PTPRS: variants seen among roughly 807,000 people sequenced by gnomAD.
PTPRS encodes protein tyrosine phosphatase receptor type S.
Under a neutral mutation model 215.3 loss-of-function variants are expected in PTPRS, and 63 were observed. The observed-to-expected ratio is 0.29, with a 90% CI of 0.24 to 0.36. PTPRS has a LOEUF of 0.36. Ranked by LOEUF, PTPRS falls within the 10% of genes least tolerant of loss-of-function variation. PTPRS has a pLI of 1.00. For synonymous variants in PTPRS, 1,404 were observed against 1,191.4 expected (o/e 1.18, Z -3.68); for missense variants, 2,258 against 2,825.8 (o/e 0.80, Z 4.56).
Position 5,286,442 on chromosome 19 carries a change from T to C in PTPRS, c.-94-208A>G, listed in dbSNP as rs112169965. On this transcript the variant is annotated intron_variant, in intron 1 of 37. Coordinates refer to ENST00000262963, the MANE Select transcript of PTPRS (RefSeq NM_002850.4). ...AAGGTGTCTCCCCCACAAAAAATCA[T>C]ATGTTGAAACCTAGTCCCCACTATG... 4.1e-4 allele frequency: 168 copies of C among 411,496 alleles called. 2 individuals are homozygous for C. The highest frequency in any genetic ancestry group is 3.1e-3 in the African/African-American group (154 of 49,864). The allele number at this position is 411,496 out of a possible 1,614,324, so 25.5% of individuals were successfully genotyped here.
rs35929019 is a variant in PTPRS at position 5,206,082 on chromosome 19, A to AAGC, written c.*691_*692insGCT. Among the ~76,000 whole-genome samples the AAGC allele has an allele frequency of 0.057, 8,186 of 143,712 alleles. 270 individuals are homozygous for AAGC. Among genetic ancestry groups the AAGC allele is most frequent in the African/African-American group, 0.085 (3,216 of 37,636 alleles). 94.3% of individuals were successfully genotyped at this position (143,712 alleles called of 152,430 possible). A position where few individuals can be genotyped will look rare whatever the true frequency, so the allele number is the denominator to read the frequency against. ...AATTAAAAAAAAAAAAAAAAAAAAA[A>AAGC]AAGCCAAGGTACAGCCATGGGCCTG... On this transcript the variant is annotated 3_prime_UTR_variant, in exon 38 of 38. Coordinates refer to ENST00000262963, the MANE Select transcript of PTPRS (RefSeq NM_002850.4).
At chr19:5,228,347 G>GAAAGAAAAAAAAAAAAAAAAAAAAA (rs2042696638) in intron 16 of PTPRS, among the ~76,000 whole-genome samples, 1 of 105,866 alleles carries the variant, frequency 9.4e-6, no homozygotes, top group African/African-American at 4.3e-5. Context: ...TCCGTCTGGA[G>GAAAGAAAAAAAAAAAAAAAAAAAAA]AAAAAAAAAA....
intron 9 of PTPRS, among the ~76,000 whole-genome samples, chr19:5,248,583 G>A (rs938187026): frequency 9.9e-5 from 15 of 152,146 alleles, no homozygotes; most frequent in South Asian, 4.1e-4. Context: ...AAAATCCTTC[G>A]GAACAAACCA....
At chr19:5,305,760 TATA>T (rs1321530750) in intron 1 of PTPRS, among the ~76,000 whole-genome samples, 15 of 112,196 alleles carry the variant, frequency 1.3e-4, no homozygotes, top group African/African-American at 5.9e-4. Flanking sequence ...TATATATATA[TATA>T]TATTTTTTTT....
intron 1 of PTPRS, among the ~76,000 whole-genome samples, chr19:5,307,471 G>A (rs1245656939): frequency 6.6e-6 from 1 of 152,130 alleles, no homozygotes; most frequent in Non-Finnish European, 1.5e-5. Context: ...GAGAATACCA[G>A]ATGTACAATT....
chr19:5,226,116 C>G (rs1190024303), intron 16 of PTPRS, among the ~76,000 whole-genome samples: 1 of 152,238 alleles, frequency 6.6e-6, no homozygotes, highest in African/African-American at 2.4e-5. Context: ...TCACCCCCGA[C>G]AGTCTGTCCT....
At chr19:5,243,362 C>G (rs1415108886) in intron 11 of PTPRS, among the ~76,000 whole-genome samples, 1 of 152,010 alleles carries the variant, frequency 6.6e-6, no homozygotes, top group Non-Finnish European at 1.5e-5. Context: ...TCTCAAACTC[C>G]TGACCTCAGG....
At chr19:5,298,651 G>A (rs1313297561) in intron 1 of PTPRS, among the ~76,000 whole-genome samples, 1 of 152,222 alleles carries the variant, frequency 6.6e-6, no homozygotes, top group Non-Finnish European at 1.5e-5. Flanking sequence ...TCACATCACA[G>A]CCCTGGCGCC....
At chr19:5,247,716 TGAG>T (rs2044627850) in intron 9 of PTPRS, among the ~76,000 whole-genome samples, 1 of 151,800 alleles carries the variant, frequency 6.6e-6, no homozygotes, top group Admixed American at 6.6e-5. Context: ...TCTACGATGC[TGAG>T]GAGGAGGTTC....
At chr19:5,318,455 C>A (rs1460702954) in intron 1 of PTPRS, among the ~76,000 whole-genome samples, 1 of 152,134 alleles carries the variant, frequency 6.6e-6, no homozygotes, top group African/African-American at 2.4e-5. Flanking sequence ...GCAAGGCAGT[C>A]TGGCCATGCT....
intron 12 of PTPRS, among the ~76,000 whole-genome samples, chr19:5,239,676 GAGAGACAGAAATAGAGAT>G (rs898587522): frequency 2.0e-5 from 3 of 151,226 alleles, no homozygotes; most frequent in East Asian, 3.9e-4. Context: ...AGAGAGGAGA[GAGAGACAGAAATAGAGAT>G]AGAGACAGAA....
chr19:5,337,660 C>A (rs373955218), intron 1 of PTPRS, among the ~76,000 whole-genome samples: 4 of 152,328 alleles, frequency 2.6e-5, no homozygotes, highest in Admixed American at 2.0e-4. Flanking sequence ...CCAGGCAGAG[C>A]CCCAGGCTCT....
chr19:5,291,328 G>T lies in PTPRS; in HGVS notation c.-94-5094C>A, dbSNP rs903913750. ...ATTAGGAAACCGAGGCTCACCAAGG[G>T]TCCTGCATGGAGGAGGGGGCTGGGC... On this transcript the variant is annotated intron_variant, in intron 1 of 37. Coordinates refer to ENST00000262963, the MANE Select transcript of PTPRS (RefSeq NM_002850.4). Among the ~76,000 whole-genome samples the T allele has an allele frequency of 2.0e-5, 3 of 152,194 alleles. No individual in the cohort carries two copies. In the East Asian group the frequency reaches 5.8e-4, roughly 30 times the overall value.
chr19:5,273,255 G>A (rs1186794360), intron 4 of PTPRS, 187 bp downstream of exon 4: 1 of 695,064 alleles, frequency 1.4e-6, no homozygotes, highest in South Asian at 1.8e-5. Context: ...TTCTTGCAAA[G>A]GCACAATAAA....
At chr19:5,231,787 G>A (rs1295179837) in intron 13 of PTPRS, among the ~76,000 whole-genome samples, 172 bp from the exon 14 acceptor site, 1 of 152,000 alleles carries the variant, frequency 6.6e-6, no homozygotes, top group Non-Finnish European at 1.5e-5. Context: ...GTCAACCAAA[G>A]GTGGGATGGG....
intron 9 of PTPRS, among the ~76,000 whole-genome samples, chr19:5,253,444 CCAGGT>C (rs2045310870): frequency 6.6e-6 from 1 of 152,176 alleles, no homozygotes; most frequent in Admixed American, 6.5e-5. Flanking sequence ...TCAGAACATG[CCAGGT>C]AGCCCATCTC....
At chr19:5,218,640 A>C in intron 24 of PTPRS, 108 bp from the exon 25 acceptor site, 2 of 1,511,462 alleles carry the variant, frequency 1.3e-6, no homozygotes, top group Non-Finnish European at 1.8e-6. Flanking sequence ...ATGGACCCGT[A>C]TGACTAGGGT....
chr19:5,223,062 G>A lies in PTPRS; in HGVS notation c.2730C>T (p.Arg910=), dbSNP rs956320548. 2.3e-5 allele frequency: 35 copies of A among 1,552,332 alleles called. No homozygotes were observed. The highest frequency in any genetic ancestry group is 4.1e-5 in the African/African-American group (3 of 73,096). The part of the protein sequence containing the change: ...TYVFRLAARS[R]GGLGEEAAEV... ...CGGCTGCCTCCTCGCCCAGGCCGCC[G>A]CGGCTCCGGGCCGCAAGCCGGAACA... Residue 910 remains arginine (R), a synonymous_variant, in exon 18 of 38, where the codon CGC becomes CGT. Coordinates refer to ENST00000262963, the MANE Select transcript of PTPRS (RefSeq NM_002850.4).
intron 1 of PTPRS, among the ~76,000 whole-genome samples, chr19:5,316,804 C>T (rs2049888903): frequency 6.6e-6 from 1 of 152,216 alleles, no homozygotes; most frequent in African/African-American, 2.4e-5. Context: ...GCTGGGATTA[C>T]AGGCATGAGC....
Sources: allele counts gnomAD v4.1 joint callset (sites outside exome capture counted in the v4.1 genomes callset), GRCh38; gene constraint gnomAD v4.1.1; transcripts MANE v1.5; gene names NCBI Gene and HGNC (gene_info 2026-07-23, HGNC 2026-07-21).